Variants in MYRFL observed in about 807,000 individuals in gnomAD.
MYRFL encodes myelin regulatory factor-like protein.
Under a neutral mutation model 109.4 loss-of-function variants are expected in MYRFL, and 88 were observed. The observed-to-expected ratio is 0.80, with a 90% CI of 0.68 to 0.96. The LOEUF (loss-of-function observed/expected upper bound fraction) is 0.96, where lower values mean the gene tolerates loss of function less well. MYRFL is among the 40% of genes least tolerant of loss of function. MYRFL has a pLI of 0.00. For missense variants in MYRFL, 957 were observed against 954.9 expected, an observed-to-expected ratio of 1.00 and a Z score of -0.03; for synonymous variants, 324 against 320.9, an observed-to-expected ratio of 1.01 and a Z score of -0.10.
chr12:69,938,224 G>C (rs896125869), intron 19 of MYRFL, among the ~76,000 whole-genome samples: 1 of 152,186 alleles, frequency 6.6e-6, no homozygotes, highest in African/African-American at 2.4e-5. Flanking sequence ...TTTATCCCTT[G>C]TGAAAGCACA....
chr12:69,908,717 G>A (rs1954459016), intron 11 of MYRFL, among the ~76,000 whole-genome samples: 1 of 152,096 alleles, frequency 6.6e-6, no homozygotes, highest in African/African-American at 2.4e-5. Flanking sequence ...TATCAGCTGG[G>A]TCTTCCTGTC....
At chr12:69,935,919 C>T in intron 16 of MYRFL, 194 bp from the exon 17 acceptor site, 2 of 629,266 alleles carry the variant, frequency 3.2e-6, no homozygotes, top group Admixed American at 6.8e-5. Flanking sequence ...AGCTCTTTTT[C>T]TCTCCAGGGC....
chr12:69,942,690 A>T (rs1178472828), intron 19 of MYRFL, among the ~76,000 whole-genome samples: 1 of 151,960 alleles, frequency 6.6e-6, no homozygotes, highest in Admixed American at 6.6e-5. Context: ...GGCCAGGGCA[A>T]TTAGGCAGGA....
chr12:69,859,147 T>G (rs1253056479), intron 2 of MYRFL, among the ~76,000 whole-genome samples: 1 of 152,128 alleles, frequency 6.6e-6, no homozygotes, highest in Non-Finnish European at 1.5e-5. Context: ...CTTCCAAACG[T>G]TTGGAAATTT....
At chr12:69,957,380 A>T in intron 22 of MYRFL, among the ~76,000 whole-genome samples, 1 of 152,226 alleles carries the variant, frequency 6.6e-6, no homozygotes, top group East Asian at 1.9e-4. Context: ...ATTATAAAAA[A>T]TACATATGGA....
chr12:69,898,015 G>A (rs368518681), intron 10 of MYRFL, among the ~76,000 whole-genome samples: 2 of 152,236 alleles, frequency 1.3e-5, no homozygotes, highest in Admixed American at 6.5e-5. Context: ...TGAAGTAACA[G>A]GTAGCCACAG....
chr12:69,859,656 A>C lies in MYRFL; in HGVS notation c.137+4286A>C, dbSNP rs183541483. Among the ~76,000 whole-genome samples, 18 of 152,148 alleles carry C rather than the reference A, an allele frequency of 1.2e-4. No homozygotes were observed. The East Asian group carries it at 1.7e-3, about 15-fold the overall frequency. ...AAAGAAGACATTTATGCAGCCAAAA[A>C]ACACATGAAAAAATGCTCATCATCA... On this transcript the variant is annotated intron_variant, in intron 2 of 24. Coordinates refer to ENST00000552032, the MANE Select transcript of MYRFL (RefSeq NM_182530.3).
intron 13 of MYRFL, among the ~76,000 whole-genome samples, chr12:69,920,306 T>C (rs1469244801): frequency 1.3e-5 from 2 of 152,134 alleles, no homozygotes; most frequent in African/African-American, 4.8e-5. Context: ...GAAAAAGGAA[T>C]TTGGACCTTA....
At chr12:69,830,981 A>G (rs1280531204) in intron 1 of MYRFL, among the ~76,000 whole-genome samples, 1 of 152,180 alleles carries the variant, frequency 6.6e-6, no homozygotes, top group East Asian at 1.9e-4. Context: ...TTGGAAGCTA[A>G]ACATTCAATA....
At chr12:69,908,328 T>A (rs11177956) in intron 11 of MYRFL, among the ~76,000 whole-genome samples, 27,050 of 152,150 alleles carry the variant, frequency 0.18, 3,373 homozygotes, top group African/African-American at 0.35. Context: ...TTGTGACTCA[T>A]GCTATGAAGG....
In MYRFL at chr12:69,955,410, C is replaced by T. The variant is rs1173691274; in HGVS notation, c.2423C>T (p.Thr808Ile). The change falls in exon 22 of 25, where the codon ACC becomes ATC. Residue 808 changes from threonine to isoleucine, a missense_variant. Physicochemically the swap from Thr to Ile is moderately conservative, Grantham distance 89. Transcript: ENST00000552032. ...YNIPVNKHTP[T>I]NVKFSLEINT... ...ATTCCTGTTAATAAACACACACCCA[C>T]CAATGTCAAGTTCTCTCTGGAAATA... 2 of 655,992 alleles carry T rather than the reference C, an allele frequency of 3.0e-6. No individual in the cohort carries two copies. Among genetic ancestry groups the T allele is most frequent in the Non-Finnish European group, 5.4e-6 (2 of 367,644 alleles). The allele number at this position is 655,992 out of a possible 1,614,324, so 40.6% of individuals were successfully genotyped here.
chr12:69,890,977 T>A lies in MYRFL; in HGVS notation c.714T>A (p.Asp238Glu). The A allele has an allele frequency of 6.6e-7, 1 of 1,509,392 alleles. No homozygotes were observed. Among genetic ancestry groups the A allele is most frequent in the Non-Finnish European group, 8.8e-7 (1 of 1,135,170 alleles). The allele number at this position is 1,509,392 out of a possible 1,614,324, so 93.5% of individuals were successfully genotyped here. A position where few individuals can be genotyped will look rare whatever the true frequency, so the allele number is the denominator to read the frequency against. The change falls in exon 7 of 25, where the codon GAT (aspartate) becomes GAA (glutamate). Residue 238 changes from aspartate to glutamate, a missense_variant. By Grantham distance (45) the Asp-to-Glu change is conservative (BLOSUM62 2). Coordinates refer to ENST00000552032, the MANE Select transcript of MYRFL (RefSeq NM_182530.3). The stretch of plus-strand genomic sequence containing the variant: ...TTGGTTTCTCTTTTCATAGACCTGA[T>A]GTGGGCTATCGAGTTGTAACAGACA... Reference protein sequence around the residue: ...LLNSHYEKLPDVGYRVVTDKG... With the variant: ...LLNSHYEKLPEVGYRVVTDKG...
At chr12:69,845,501 A>G (rs1005910801) in intron 1 of MYRFL, among the ~76,000 whole-genome samples, 2 of 152,154 alleles carry the variant, frequency 1.3e-5, no homozygotes, top group Admixed American at 6.5e-5. Context: ...TATTCCACTC[A>G]TTTTCATCTT....
intron 1 of MYRFL, among the ~76,000 whole-genome samples, chr12:69,849,948 G>A (rs1883782597): frequency 6.6e-6 from 1 of 152,162 alleles, no homozygotes; most frequent in African/African-American, 2.4e-5. Context: ...GTTTGGCTCT[G>A]TGTCCCCACC....
intron 1 of MYRFL, among the ~76,000 whole-genome samples, chr12:69,831,725 G>A (rs1255663726): frequency 6.6e-6 from 1 of 152,048 alleles, no homozygotes; most frequent in East Asian, 1.9e-4. Flanking sequence ...CAGCCCTGGG[G>A]GATTTCTATC....
At chr12:69,955,340 T>C (rs1270723861) in intron 21 of MYRFL, 23 bp from the exon 22 acceptor site, 4 of 619,286 alleles carry the variant, frequency 6.5e-6, no homozygotes, top group South Asian at 5.9e-5. Flanking sequence ...TGATTTGTGG[T>C]TTTATTTTCT....
intron 1 of MYRFL, among the ~76,000 whole-genome samples, chr12:69,833,176 A>G (rs1173639322): frequency 6.6e-6 from 1 of 152,166 alleles, no homozygotes; most frequent in Non-Finnish European, 1.5e-5. Context: ...TGAGATCACC[A>G]AGAAGAGTAC....
At chr12:69,935,253 G>GGAGTC (rs373915778) in intron 16 of MYRFL, among the ~76,000 whole-genome samples, 2,493 of 152,220 alleles carry the variant, frequency 0.016, 36 homozygotes, top group South Asian at 0.036. Flanking sequence ...AAAATAATGA[G>GGAGTC]GAGTCAAGTT....
intron 1 of MYRFL, among the ~76,000 whole-genome samples, chr12:69,836,362 A>G (rs1169088433): frequency 1.3e-5 from 2 of 152,098 alleles, no homozygotes; most frequent in Non-Finnish European, 2.9e-5. Context: ...TGCAGCAGAA[A>G]TGCCTGTCCT....
Sources: gnomAD v4.1 joint callset for allele counts (sites outside exome capture counted in the v4.1 genomes callset) on GRCh38, gnomAD v4.1.1 for gene constraint, MANE v1.5 for transcripts, NCBI Gene and HGNC (gene_info 2026-07-23, HGNC 2026-07-21) for gene names.